The following ZFPM2 variants were observed in gnomAD, a reference collection of about 807,000 sequenced individuals.
ZFPM2 encodes the protein zinc finger protein, FOG family member 2.
In ZFPM2, 20 loss-of-function variants were observed where a neutral mutation model predicts 98.6. The observed-to-expected ratio is 0.20, with a 90% CI of 0.14 to 0.29. The LOEUF (loss-of-function observed/expected upper bound fraction) is 0.29. ZFPM2 is among the 10% of genes least tolerant of loss of function. ZFPM2 has a pLI of 1.00. For synonymous variants in ZFPM2, 518 were observed against 502.7 expected, an observed-to-expected ratio of 1.03 and a Z score of -0.41; for missense variants, 1,310 against 1,388.6, an observed-to-expected ratio of 0.94 and a Z score of 0.90.
chr8:105,637,892 T>TA (rs1487640683), intron 5 of ZFPM2, among the ~76,000 whole-genome samples: 1 of 152,120 alleles, frequency 6.6e-6, no homozygotes, highest in Non-Finnish European at 1.5e-5. Flanking sequence ...TATTATTTAT[T>TA]AATTGGGCCT....
chr8:105,794,150 CT>C (rs1283042579), intron 6 of ZFPM2, among the ~76,000 whole-genome samples: 6 of 152,158 alleles, frequency 3.9e-5, no homozygotes, highest in Non-Finnish European at 8.8e-5. Flanking sequence ...GAGAGGTGCT[CT>C]GCTTTTTAGA....
intron 5 of ZFPM2, among the ~76,000 whole-genome samples, chr8:105,704,228 C>G (rs1189527139): frequency 6.6e-6 from 1 of 152,172 alleles, no homozygotes; most frequent in African/African-American, 2.4e-5. Context: ...GAAAATTTGG[C>G]AGAAATAAAA....
intron 4 of ZFPM2, among the ~76,000 whole-genome samples, chr8:105,633,918 A>T (rs2130838839): frequency 6.6e-6 from 1 of 152,036 alleles, no homozygotes; most frequent in Non-Finnish European, 1.5e-5. Flanking sequence ...ACTTCTAAAC[A>T]CTCTGCTCTT....
chr8:105,476,677 T>A (rs1426632767), intron 3 of ZFPM2, among the ~76,000 whole-genome samples: 1 of 152,198 alleles, frequency 6.6e-6, no homozygotes, highest in Non-Finnish European at 1.5e-5. Flanking sequence ...TACTAGTGAT[T>A]TGCATAGTAT....
intron 6 of ZFPM2, among the ~76,000 whole-genome samples, chr8:105,797,838 C>G (rs2131166708): frequency 6.6e-6 from 1 of 152,322 alleles, no homozygotes; most frequent in African/African-American, 2.4e-5. Flanking sequence ...TTTTCCATGC[C>G]CTGGGGCATT....
At chr8:105,385,043 G>A (rs1207913639) in intron 1 of ZFPM2, among the ~76,000 whole-genome samples, 3 of 152,070 alleles carry the variant, frequency 2.0e-5, no homozygotes, top group Non-Finnish European at 4.4e-5. Context: ...GGTCTTGCCC[G>A]ATGTTTCACA....
intron 4 of ZFPM2, among the ~76,000 whole-genome samples, chr8:105,631,685 A>G (rs17291137): frequency 0.1 from 15,181 of 152,206 alleles, 1,012 homozygotes; most frequent in Middle Eastern, 0.22. Context: ...TTTTTATTGT[A>G]TCTGTATCCT....
intron 5 of ZFPM2, among the ~76,000 whole-genome samples, chr8:105,735,124 T>A (rs148222562): frequency 2.7e-5 from 4 of 147,990 alleles, no homozygotes; most frequent in Non-Finnish European, 6.0e-5. Flanking sequence ...TATATATATA[T>A]AATGTATCTA....
chr8:105,328,163 G>A (rs1003332215), intron 1 of ZFPM2, among the ~76,000 whole-genome samples: 14 of 151,574 alleles, frequency 9.2e-5, no homozygotes, highest in African/African-American at 3.1e-4. Flanking sequence ...GCATTTATTT[G>A]GATAAATTCT....
chr8:105,728,153 TATTGTA>T (rs1213452838), intron 5 of ZFPM2, among the ~76,000 whole-genome samples: 2 of 151,622 alleles, frequency 1.3e-5, no homozygotes, highest in African/African-American at 4.8e-5. Flanking sequence ...TTAGAGAAGG[TATTGTA>T]ATTGTAATAG....
chr8:105,624,412 G>A (rs1209279483), intron 4 of ZFPM2, among the ~76,000 whole-genome samples: 1 of 152,084 alleles, frequency 6.6e-6, no homozygotes, highest in East Asian at 1.9e-4. Flanking sequence ...GTTCCTCTTC[G>A]GAGCCAAATG....
rs775601415 is a variant in ZFPM2, at chr8:105,804,351, C to T, written c.*813C>T. On this transcript the variant is annotated 3_prime_UTR_variant, in exon 8 of 8. Coordinates refer to ENST00000407775, the MANE Select transcript of ZFPM2 (RefSeq NM_012082.4). Reference sequence around the variant, plus strand: ...ATCTTTTGAAAGGCACAGTCTAAATCGAAACCCTAAACTCAATGCTGCAAG... The same window carrying T: ...ATCTTTTGAAAGGCACAGTCTAAATTGAAACCCTAAACTCAATGCTGCAAG... 1 of 152,508 alleles carries T rather than the reference C, an allele frequency of 6.6e-6. No individual in the cohort carries two copies. Among genetic ancestry groups the T allele is most frequent in the African/African-American group, 2.4e-5 (1 of 41,402 alleles). The allele number at this position is 152,508 out of a possible 1,614,324, so 9.4% of individuals were successfully genotyped here. A position where few individuals can be genotyped will look rare whatever the true frequency, so the allele number is the denominator to read the frequency against.
chr8:105,612,925 G>A (rs1816336101), intron 4 of ZFPM2, among the ~76,000 whole-genome samples: 1 of 152,098 alleles, frequency 6.6e-6, no homozygotes, highest in African/African-American at 2.4e-5. Context: ...CTAATTCGTG[G>A]GGGAAACTTG....
intron 4 of ZFPM2, among the ~76,000 whole-genome samples, chr8:105,629,309 A>G (rs1254036345): frequency 2.6e-5 from 4 of 152,224 alleles, no homozygotes; most frequent in East Asian, 1.9e-4. Flanking sequence ...GGTCAGGGAA[A>G]TATCCTGCTT....
chr8:105,524,060 A>G (rs1814118734), intron 3 of ZFPM2, among the ~76,000 whole-genome samples: 1 of 152,156 alleles, frequency 6.6e-6, no homozygotes, highest in South Asian at 2.1e-4. Context: ...AATATATGAA[A>G]ATACTCATAG....
chr8:105,357,479 G>A (rs541251431), intron 1 of ZFPM2, among the ~76,000 whole-genome samples: 16 of 152,220 alleles, frequency 1.1e-4, no homozygotes, highest in South Asian at 2.1e-4. Flanking sequence ...GATGGTAAGC[G>A]TTTACTTCAG....
chr8:105,643,454 T>A (rs1172736729), intron 5 of ZFPM2, among the ~76,000 whole-genome samples: 1 of 152,096 alleles, frequency 6.6e-6, no homozygotes, highest in Non-Finnish European at 1.5e-5. Flanking sequence ...TGGTAATTCC[T>A]CATTCTAGTT....
intron 1 of ZFPM2, among the ~76,000 whole-genome samples, chr8:105,394,976 A>C (rs1381090456): frequency 6.6e-6 from 1 of 152,136 alleles, no homozygotes; most frequent in Admixed American, 6.5e-5. Flanking sequence ...CCTTTTCCCA[A>C]TGTGGCTTCT....
rs565514761 is a variant in ZFPM2 at position 105,560,951 on chromosome 8, T to C, written c.302-412T>C. Among the ~76,000 whole-genome samples the C allele has an allele frequency of 2.6e-5, 4 of 152,316 alleles. No individual in the cohort carries two copies. The East Asian group carries it at 7.7e-4, about 29-fold the overall frequency. Reference sequence around the variant, plus strand: ...CAATTTCAGAAAATTACCAAGTACTTCAAAAACTCTCCAGATATTGTTGTT... The same window carrying C: ...CAATTTCAGAAAATTACCAAGTACTCCAAAAACTCTCCAGATATTGTTGTT... On this transcript the variant is annotated intron_variant, in intron 3 of 7. Transcript: ENST00000407775.
Sources: gnomAD v4.1 joint callset for allele counts (sites outside exome capture counted in the v4.1 genomes callset) on GRCh38, gnomAD v4.1.1 for gene constraint, MANE v1.5 for transcripts, NCBI Gene and HGNC (gene_info 2026-07-23, HGNC 2026-07-21) for gene names.